The following NBEAL1 variants were observed in gnomAD, a reference collection of about 807,000 sequenced individuals.
NBEAL1 encodes neurobeachin like 1, also known as neurobeachin-like protein 1.
Under a neutral mutation model 351.3 loss-of-function variants are expected in NBEAL1, and 273 were observed. The ratio of observed to expected loss-of-function variants is 0.78; its 90% confidence interval spans 0.70 to 0.86. The LOEUF is 0.86. Among genes scored for constraint, NBEAL1 ranks in the 40% least tolerant of loss-of-function variants. NBEAL1 has a pLI of 0.00. For missense variants in NBEAL1, 2,961 were observed against 3,201.3 expected, an observed-to-expected ratio of 0.92 and a Z score of 1.81; for synonymous variants, 1,050 against 1,086.4, an observed-to-expected ratio of 0.97 and a Z score of 0.66.
chr2:203,143,808 TTA>T (rs1214345111), intron 31 of NBEAL1, among the ~76,000 whole-genome samples: 2 of 152,114 alleles, frequency 1.3e-5, no homozygotes, highest in African/African-American at 4.8e-5. Flanking sequence ...AAGATAGAGG[TTA>T]TGTCTTCCTC....
chr2:203,119,979 T>C (rs546099364), intron 18 of NBEAL1, among the ~76,000 whole-genome samples: 2 of 152,318 alleles, frequency 1.3e-5, no homozygotes, highest in Admixed American at 1.3e-4. Context: ...TGCTTAAAAC[T>C]TATTGAATGT....
chr2:203,074,317 C>CTTTTTTTTTTTTTTTT (rs56217945), intron 7 of NBEAL1, among the ~76,000 whole-genome samples: 6 of 98,338 alleles, frequency 6.1e-5, no homozygotes, highest in East Asian at 3.5e-4. Context: ...TTTCTTTCTT[C>CTTTTTTTTTTTTTTTT]TTTTTTTTTT....
intron 18 of NBEAL1, 129 bp downstream of exon 18, chr2:203,116,199 T>C (rs2062693640): frequency 5.8e-6 from 4 of 684,656 alleles, no homozygotes; most frequent in Non-Finnish European, 1.0e-5. Flanking sequence ...AAAATAATCA[T>C]GAATTTTCAA....
At position 203,144,804 on chromosome 2, in the gene NBEAL1, C is replaced by A; in HGVS notation, c.5053C>A (p.His1685Asn). Residue 1685 changes from histidine to asparagine, a missense_variant, in exon 32 of 56, where the codon CAC becomes AAC. Transcript: ENST00000683969. ...TTATGAGCTTCTCTTCATGAACTTG[C>A]ACCTACCTTCTTTACCTTTTACCAA... ...KIYELLFMNL[H>N]LPSLPFTNGS... The A allele has an allele frequency of 6.2e-7, 1 of 1,614,000 alleles. No homozygotes were observed. The highest frequency in any genetic ancestry group is 1.1e-5 in the South Asian group (1 of 91,068).
chr2:203,054,349 C>A (rs2061372118), intron 4 of NBEAL1, among the ~76,000 whole-genome samples: 1 of 151,870 alleles, frequency 6.6e-6, no homozygotes, highest in Non-Finnish European at 1.5e-5. Context: ...TCGCTTTAAC[C>A]CAGGAGGCGG....
In NBEAL1 at chr2:203,110,279, C is replaced by G. The variant is rs375560206; in HGVS notation, c.2079C>G (p.Leu693=). ...CTGACCACAGTTTCTGTGATTCCCT[C>G]TGGGTAAGGCTTTAGGGCATCACAT... ...MLPDHSFCDS[L]WHNITVVHMP... Residue 693 remains leucine (L), a synonymous_variant, in exon 15 of 56, where the codon CTC becomes CTG. Transcript: ENST00000683969. The G allele has an allele frequency of 7.7e-6, 12 of 1,551,536 alleles. No homozygotes were observed. The highest frequency in any genetic ancestry group is 9.6e-6 in the Non-Finnish European group (11 of 1,146,876).
chr2:203,202,130 A>G (rs549994164), intron 50 of NBEAL1, among the ~76,000 whole-genome samples: 12 of 152,224 alleles, frequency 7.9e-5, no homozygotes, highest in Non-Finnish European at 1.6e-4. Flanking sequence ...TTAGTCTTCA[A>G]TATAAGAATA....
chr2:203,217,628 CTTA>C lies in NBEAL1; in HGVS notation c.*280_*282del, dbSNP rs2065911241. The C allele has an allele frequency of 2.0e-6, 2 of 1,005,306 alleles. No individual in the cohort carries two copies. Among genetic ancestry groups the C allele is most frequent in the Non-Finnish European group, 2.4e-6 (2 of 830,800 alleles). 62.3% of individuals were successfully genotyped at this position (1,005,306 alleles called of 1,614,324 possible). A position where few individuals can be genotyped will look rare whatever the true frequency, so the allele number is the denominator to read the frequency against. Reference sequence around the variant, plus strand: ...AAATGAGAACATTAGGTTCAATTTTCTTATTATTCCAAATGATAAAATTTAAGA... The same window carrying C: ...AAATGAGAACATTAGGTTCAATTTTCTTATTCCAAATGATAAAATTTAAGA... On this transcript the variant is annotated 3_prime_UTR_variant, in exon 56 of 56. Coordinates refer to ENST00000683969, the MANE Select transcript of NBEAL1 (RefSeq NM_001378026.1).
chr2:203,216,086 TAGG>T (rs1413412923), intron 55 of NBEAL1, among the ~76,000 whole-genome samples: 1 of 150,920 alleles, frequency 6.6e-6, no homozygotes, highest in East Asian at 1.9e-4. Context: ...CAACAAACCA[TAGG>T]GGATTTTTGC....
intron 6 of NBEAL1, among the ~76,000 whole-genome samples, chr2:203,066,658 C>T (rs987299708): frequency 6.6e-6 from 1 of 152,090 alleles, no homozygotes; most frequent in Non-Finnish European, 1.5e-5. Flanking sequence ...CCTCACTTCC[C>T]AGATGGGGCA....
chr2:203,187,147 C>T (rs1399351896), intron 44 of NBEAL1, among the ~76,000 whole-genome samples: 4 of 151,982 alleles, frequency 2.6e-5, no homozygotes, highest in Admixed American at 6.6e-5. Flanking sequence ...TCACTGCAGC[C>T]GTGTCCTCCT....
At chr2:203,211,343 A>G (rs1192065939) in intron 54 of NBEAL1, among the ~76,000 whole-genome samples, 1 of 152,108 alleles carries the variant, frequency 6.6e-6, no homozygotes, top group Non-Finnish European at 1.5e-5. Flanking sequence ...TTTTACCGCA[A>G]TTAAAAAATT....
In NBEAL1 at chr2:203,120,553, C is replaced by T. The variant is rs549900888; in HGVS notation, c.2593-1701C>T. Reference sequence around the variant, plus strand: ...TAAATATCACCTAAAAAGGCATAGACTGTAAAACTGGGTTCTACATGTGTT... The same window carrying T: ...TAAATATCACCTAAAAAGGCATAGATTGTAAAACTGGGTTCTACATGTGTT... On this transcript the variant is annotated intron_variant, in intron 18 of 55. Transcript: ENST00000683969. 1.1e-4 allele frequency among the ~76,000 whole-genome samples: 17 copies of T among 152,238 alleles called. No homozygotes were observed. The East Asian group carries it at 3.3e-3, about 29-fold the overall frequency.
At chr2:203,191,357 A>T (rs1267118898) in intron 46 of NBEAL1, 8 of 118,362 alleles carry the variant, frequency 6.8e-5, no homozygotes, top group East Asian at 6.6e-4. Flanking sequence ...TAGAATATTT[A>T]AAATGTAGAA....
intron 2 of NBEAL1, among the ~76,000 whole-genome samples, chr2:203,019,648 G>A (rs1420560352): frequency 1.3e-5 from 2 of 152,144 alleles, no homozygotes; most frequent in Admixed American, 6.6e-5. Context: ...ATTCCACAGT[G>A]TATTAACAAT....
intron 46 of NBEAL1, among the ~76,000 whole-genome samples, chr2:203,191,512 T>C (rs1203576778): frequency 1.3e-5 from 2 of 152,178 alleles, no homozygotes; most frequent in African/African-American, 4.8e-5. Flanking sequence ...TCTTTTTCAG[T>C]ATATGAATTT....
At chr2:203,089,720 TTA>T (rs1491069837) in intron 10 of NBEAL1, among the ~76,000 whole-genome samples, 1 of 152,214 alleles carries the variant, frequency 6.6e-6, no homozygotes, top group Non-Finnish European at 1.5e-5. Flanking sequence ...AAGGTCAGTC[TTA>T]TGTTACAATT....
rs920576997 is a variant in NBEAL1, at chr2:203,084,557, A to G, written c.1086A>G (p.Leu362=). 8 of 1,505,164 alleles carry G rather than the reference A, an allele frequency of 5.3e-6. No individual in the cohort carries two copies. The highest frequency in any genetic ancestry group is 1.4e-5 in the African/African-American group (1 of 71,024). The allele number at this position is 1,505,164 out of a possible 1,614,324, so 93.2% of individuals were successfully genotyped here. ...SNCFEHLIRL[L]QNCKLFLNAN... Reference sequence around the variant, plus strand: ...GCTTTGAACATCTCATACGACTGCTACAGAACTGCAAGGTATTTTTCTATT... The same window carrying G: ...GCTTTGAACATCTCATACGACTGCTGCAGAACTGCAAGGTATTTTTCTATT... The change falls in exon 10 of 56, where the codon CTA becomes CTG. Residue 362 remains leucine (L), a synonymous_variant. Coordinates refer to ENST00000683969, the MANE Select transcript of NBEAL1 (RefSeq NM_001378026.1).
At chr2:203,077,683 T>C in intron 7 of NBEAL1, 69 bp from the exon 8 acceptor site, 1 of 929,256 alleles carries the variant, frequency 1.1e-6, no homozygotes, top group Non-Finnish European at 1.5e-6. Flanking sequence ...GCATCAGACA[T>C]TCCTTAGAGA....
Sources: gnomAD v4.1 joint callset for allele counts (sites outside exome capture counted in the v4.1 genomes callset) on GRCh38, gnomAD v4.1.1 for gene constraint, MANE v1.5 for transcripts, NCBI Gene and HGNC (gene_info 2026-07-23, HGNC 2026-07-21) for gene names.